Variants in ZBTB7A observed in about 807,000 individuals in gnomAD.
ZBTB7A encodes zinc finger and BTB domain-containing protein 7A.
In ZBTB7A, 7 loss-of-function variants were observed where a neutral mutation model predicts 26.7. The observed-to-expected ratio is 0.26, with a 90% CI of 0.15 to 0.49. The LOEUF (loss-of-function observed/expected upper bound fraction) is 0.49, where lower values mean the gene tolerates loss of function less well. ZBTB7A is among the 20% of genes least tolerant of loss of function. ZBTB7A has a pLI of 0.98. For missense variants in ZBTB7A, 617 were observed against 919.5 expected (o/e 0.67, Z 4.25); for synonymous variants, 452 against 441.0 (o/e 1.02, Z -0.31).
At position 4,055,243 on chromosome 19, in the gene ZBTB7A, G is replaced by A. The variant is rs750331701; in HGVS notation, c.-11C>T. ...CACGCCGCCGGCCATCTTCCGCGCC[G>A]AGACCTGCAGCAGTGGGGAAGGAGA... On this transcript the variant is annotated 5_prime_UTR_variant, in exon 2 of 3. Transcript: ENST00000322357. The A allele has an allele frequency of 1.1e-5, 16 of 1,477,038 alleles. No individual in the cohort carries two copies. The highest frequency in any genetic ancestry group is 8.2e-5 in the South Asian group (6 of 73,416). The allele number at this position is 1,477,038 out of a possible 1,614,324, so 91.5% of individuals were successfully genotyped here. A position where few individuals can be genotyped will look rare whatever the true frequency, so the allele number is the denominator to read the frequency against.
At chr19:4,050,627 A>C (rs1410528465) in intron 2 of ZBTB7A, among the ~76,000 whole-genome samples, 2 of 152,168 alleles carry the variant, frequency 1.3e-5, no homozygotes, top group African/African-American at 4.8e-5. Flanking sequence ...TGCAAAAGGT[A>C]CCCCAGCTTT....
At chr19:4,059,670 C>A (rs779026915) in intron 1 of ZBTB7A, among the ~76,000 whole-genome samples, 17 of 152,074 alleles carry the variant, frequency 1.1e-4, no homozygotes, top group Admixed American at 2.0e-4. Flanking sequence ...AGGCCCTGCC[C>A]TCGCCCTGGA....
At chr19:4,064,237 C>G (rs1013380114) in intron 1 of ZBTB7A, among the ~76,000 whole-genome samples, 1 of 152,254 alleles carries the variant, frequency 6.6e-6, no homozygotes, top group Non-Finnish European at 1.5e-5. Context: ...ATAAATACCC[C>G]CCGGACTGAC....
Position 4,065,042 on chromosome 19 carries a change from G to T in ZBTB7A, c.-16+1640C>A, listed in dbSNP as rs972487216. Among the ~76,000 whole-genome samples, 14 of 151,698 alleles carry T rather than the reference G, an allele frequency of 9.2e-5. No individual in the cohort carries two copies. The East Asian group carries it at 2.4e-3, about 25-fold the overall frequency. On this transcript the variant is annotated intron_variant, in intron 1 of 2. Transcript: ENST00000322357. ...CAGCCCCCAGCCAGGCTCCCAGGCCGGGGGGGCTGGGTCTCCCGCCCGGGA... is the reference window on the plus strand; with the variant it reads ...CAGCCCCCAGCCAGGCTCCCAGGCCTGGGGGGCTGGGTCTCCCGCCCGGGA...
Position 4,055,164 on chromosome 19 carries a change from C to G in ZBTB7A, c.69G>C (p.Gly23=), listed in dbSNP as rs1273704610. ...FPDHSSDILS[G]LNEQRTQGLL... is the part of the protein sequence containing the mutation. Reference sequence around the variant, plus strand: ...GGCCCTGCGTCCGCTGCTCGTTCAGCCCACTCAGGATGTCGCTGCTGTGGT... The same window carrying G: ...GGCCCTGCGTCCGCTGCTCGTTCAGGCCACTCAGGATGTCGCTGCTGTGGT... The change falls in exon 2 of 3, where the codon GGG becomes GGC. Residue 23 remains glycine (G), a synonymous_variant. Coordinates refer to ENST00000322357, the MANE Select transcript of ZBTB7A (RefSeq NM_015898.4). The G allele has an allele frequency of 2.5e-6, 4 of 1,605,774 alleles. No individual in the cohort carries two copies. The African/African-American group carries it at 5.3e-5, about 21-fold the overall frequency.
chr19:4,055,356 C>A, intron 1 of ZBTB7A, 109 bp from the exon 2 acceptor site: 1 of 1,401,918 alleles, frequency 7.1e-7, no homozygotes, highest in East Asian at 2.7e-5. Context: ...CCCTGCTCCC[C>A]CAGCCTCACA....
Position 4,054,612 on chromosome 19 carries a change from G to A in ZBTB7A, c.621C>T (p.Ala207=), listed in dbSNP as rs769737692. Residue 207 remains alanine (A), a synonymous_variant, in exon 2 of 3, where the codon GCC becomes GCT. Coordinates refer to ENST00000322357, the MANE Select transcript of ZBTB7A (RefSeq NM_015898.4). ...ATKEAVAAAV[A]AVAAGDCNGL... ...CGTTGCAGTCGCCCGCGGCCACGGCGGCCACAGCGGCGGCCACGGCCTCCT... is the reference window on the plus strand; with the variant it reads ...CGTTGCAGTCGCCCGCGGCCACGGCAGCCACAGCGGCGGCCACGGCCTCCT... The A allele has an allele frequency of 3.8e-6, 6 of 1,586,180 alleles. No homozygotes were observed. Among genetic ancestry groups the A allele is most frequent in the Admixed American group, 3.6e-5 (2 of 56,146 alleles).
intron 1 of ZBTB7A, among the ~76,000 whole-genome samples, chr19:4,055,858 A>G (rs2040572078): frequency 6.6e-6 from 1 of 152,072 alleles, no homozygotes; most frequent in African/African-American, 2.4e-5. Context: ...CCTGGCCTCA[A>G]ATGATCCAAC....
chr19:4,058,451 G>GCCTTCC (rs1305004692), intron 1 of ZBTB7A, among the ~76,000 whole-genome samples: 2 of 128,878 alleles, frequency 1.6e-5, no homozygotes, highest in East Asian at 5.2e-4. Flanking sequence ...CCTTTTTTCC[G>GCCTTCC]CCTTCCCCTC....
Position 4,052,819 on chromosome 19 carries a change from G to A in ZBTB7A, c.1262+1152C>T, listed in dbSNP as rs1160483212. ...TAGGGACCAAGTCCTGTGGCTCCCA[G>A]GGGGGCACAGTGATCTCTCAAGCTG... On this transcript the variant is annotated intron_variant, in intron 2 of 2. Coordinates refer to ENST00000322357, the MANE Select transcript of ZBTB7A (RefSeq NM_015898.4). The surrounding 1 kb of genome is among the most constrained non-coding windows in gnomAD (Gnocchi z 4.9). 6.6e-6 allele frequency among the ~76,000 whole-genome samples: 1 copy of A among 152,198 alleles called. No homozygotes were observed. Among genetic ancestry groups the A allele is most frequent in the Non-Finnish European group, 1.5e-5 (1 of 68,030 alleles).
intron 1 of ZBTB7A, chr19:4,062,115 T>TGGC (rs1488310516): frequency 4.6e-5 from 7 of 152,238 alleles, no homozygotes; most frequent in Non-Finnish European, 7.3e-5. Flanking sequence ...CCTGGGAGCC[T>TGGC]GGCGGCCTGC....
Position 4,055,080 on chromosome 19 carries a change from C to T in ZBTB7A, c.153G>A (p.Val51=), listed in dbSNP as rs2040563087. ...TGAAGTACTGGCTGCAGGCGGCCAG[C>T]ACCGAGCGGTGCGTGGGGAACTCGC... ...EGREFPTHRS[V]LAACSQYFKK... The change falls in exon 2 of 3, where the codon GTG becomes GTA. Residue 51 remains valine (V), a synonymous_variant. Coordinates refer to ENST00000322357, the MANE Select transcript of ZBTB7A (RefSeq NM_015898.4). 1 of 1,610,186 alleles carries T rather than the reference C, an allele frequency of 6.2e-7. No homozygotes were observed. Among genetic ancestry groups the T allele is most frequent in the East Asian group, 2.2e-5 (1 of 44,860 alleles).
chr19:4,046,156 A>G lies in ZBTB7A; in HGVS notation c.*1596T>C. The G allele has an allele frequency of 2.5e-6, 1 of 397,392 alleles. No individual in the cohort carries two copies. 24.6% of individuals were successfully genotyped at this position (397,392 alleles called of 1,614,324 possible). A position where few individuals can be genotyped will look rare whatever the true frequency, so the allele number is the denominator to read the frequency against. ...AGACCTCTTCACGTCAGAACCAAAAAAGGGGACAGAAAGGGGGAGCGGGGG... is the reference window on the plus strand; with the variant it reads ...AGACCTCTTCACGTCAGAACCAAAAGAGGGGACAGAAAGGGGGAGCGGGGG... On this transcript the variant is annotated 3_prime_UTR_variant, in exon 3 of 3. Transcript: ENST00000322357.
chr19:4,053,953 C>A lies in ZBTB7A; in HGVS notation c.1262+18G>T. 1 of 1,577,136 alleles carries A rather than the reference C, an allele frequency of 6.3e-7. No individual in the cohort carries two copies. The highest frequency in any genetic ancestry group is 8.6e-7 in the Non-Finnish European group (1 of 1,164,968). ...GGCAGAGAGCAGGACGGCGCCTCCC[C>A]CGCGGCGGGCAGCTCACCTGGTGAA... On this transcript the variant is annotated intron_variant, in intron 2 of 2. Transcript: ENST00000322357.
chr19:4,047,538 G>A lies in ZBTB7A; in HGVS notation c.*214C>T. 2.8e-6 allele frequency: 1 copy of A among 361,102 alleles called. No individual in the cohort carries two copies. The highest frequency in any genetic ancestry group is 4.4e-6 in the Non-Finnish European group (1 of 226,946). The allele number at this position is 361,102 out of a possible 1,614,324, so 22.4% of individuals were successfully genotyped here. A position where few individuals can be genotyped will look rare whatever the true frequency, so the allele number is the denominator to read the frequency against. ...AGGGAGGGCCGGGGCCCCTGCGGAG[G>A]GAGAAAAACGTCAGAAAGGAGGGAA... On this transcript the variant is annotated 3_prime_UTR_variant, in exon 3 of 3. Coordinates refer to ENST00000322357, the MANE Select transcript of ZBTB7A (RefSeq NM_015898.4).
chr19:4,047,612 T>C lies in ZBTB7A; in HGVS notation c.*140A>G, dbSNP rs1037632081. On this transcript the variant is annotated 3_prime_UTR_variant, in exon 3 of 3. Transcript: ENST00000322357. ...TTCTGTGACGCGTCATATATATATATCTGTATATATATATATAGATATAGA... is the reference window on the plus strand; with the variant it reads ...TTCTGTGACGCGTCATATATATATACCTGTATATATATATATAGATATAGA... The C allele has an allele frequency of 5.9e-5, 37 of 631,080 alleles. No homozygotes were observed. Among genetic ancestry groups the C allele is most frequent in the Non-Finnish European group, 8.7e-5 (37 of 427,536 alleles). 39.1% of individuals were successfully genotyped at this position (631,080 alleles called of 1,614,324 possible). A position where few individuals can be genotyped will look rare whatever the true frequency, so the allele number is the denominator to read the frequency against.
At chr19:4,055,716 G>A (rs761956590) in intron 1 of ZBTB7A, among the ~76,000 whole-genome samples, 4 of 152,230 alleles carry the variant, frequency 2.6e-5, no homozygotes, top group South Asian at 2.1e-4. Context: ...CCAGCTACTC[G>A]GGAGGCTGAG....
chr19:4,066,432 G>T (rs540838963), intron 1 of ZBTB7A, among the ~76,000 whole-genome samples: 154 of 150,696 alleles, frequency 1.0e-3, no homozygotes, highest in African/African-American at 3.5e-3. Flanking sequence ...GGGTTGGGGG[G>T]GGCTGGCGCA....
Position 4,043,457 on chromosome 19 carries a change from T to TG in ZBTB7A, c.*4294_*4295insC, listed in dbSNP as rs2040370335. Reference sequence around the variant, plus strand: ...CCCAAAAAGTGCATTTTTATCAGTTTTTTTTTTTTTTAAATCTCCCACACT... The same window carrying TG: ...CCCAAAAAGTGCATTTTTATCAGTTTGTTTTTTTTTTTAAATCTCCCACACT... On this transcript the variant is annotated 3_prime_UTR_variant, in exon 3 of 3. Transcript: ENST00000322357. Among the ~76,000 whole-genome samples the TG allele has an allele frequency of 1.3e-5, 2 of 151,460 alleles. 1 individual carries two copies. Among genetic ancestry groups the TG allele is most frequent in the South Asian group, 4.2e-4 (2 of 4,798 alleles).
Sources: gnomAD v4.1 joint callset for allele counts (sites outside exome capture counted in the v4.1 genomes callset) on GRCh38, gnomAD v4.1.1 for gene constraint, Gnocchi (gnomAD v3.1) non-coding constraint, MANE v1.5 for transcripts, NCBI Gene and HGNC (gene_info 2026-07-23, HGNC 2026-07-21) for gene names.